Variants in NRXN3 observed in about 807,000 individuals in gnomAD.
NRXN3 encodes the protein neurexin III.
In NRXN3, 32 loss-of-function variants were observed where a neutral mutation model predicts 137.6. That is an observed-to-expected ratio of 0.23 (90% confidence interval 0.18 to 0.31). The LOEUF is 0.31. Among genes scored for constraint, NRXN3 ranks in the 10% least tolerant of loss-of-function variants. NRXN3 has a pLI of 1.00. For synonymous variants in NRXN3, 798 were observed against 784.5 expected (o/e 1.02, Z -0.29); for missense variants, 1,574 against 2,062.5 (o/e 0.76, Z 4.59).
chr14:79,405,062 A>G (rs1229125322), intron 15 of NRXN3, among the ~76,000 whole-genome samples: 1 of 152,150 alleles, frequency 6.6e-6, no homozygotes, highest in Non-Finnish European at 1.5e-5. Context: ...GAAGGGGAGT[A>G]CGGCAGGAGG....
intron 4 of NRXN3, among the ~76,000 whole-genome samples, chr14:78,538,343 G>A (rs1185134413): frequency 1.3e-5 from 2 of 152,118 alleles, no homozygotes; most frequent in African/African-American, 4.8e-5. Context: ...CTTGTAAGTT[G>A]GATTCCTAGG....
chr14:79,217,207 A>G (rs1238512993), intron 15 of NRXN3, among the ~76,000 whole-genome samples: 1 of 152,212 alleles, frequency 6.6e-6, no homozygotes, highest in East Asian at 1.9e-4. Context: ...CTGTATAGGA[A>G]GCATAGTGTT....
intron 4 of NRXN3, among the ~76,000 whole-genome samples, chr14:78,496,458 C>T (rs1025392588): frequency 9.2e-5 from 14 of 152,018 alleles, no homozygotes; most frequent in African/African-American, 2.9e-4. Context: ...TTTTCTTTCT[C>T]ATTGGAAATG....
chr14:78,986,985 T>G (rs1350400427), intron 14 of NRXN3, among the ~76,000 whole-genome samples: 2 of 127,348 alleles, frequency 1.6e-5, no homozygotes, highest in African/African-American at 6.1e-5. Context: ...ATCGTGCCAC[T>G]GCACTCCAGT....
chr14:79,838,491 C>T (rs755755118), intron 20 of NRXN3, among the ~76,000 whole-genome samples: 6 of 152,058 alleles, frequency 3.9e-5, no homozygotes, highest in Admixed American at 6.5e-5. Flanking sequence ...ATATGGTACT[C>T]ACAAGTAGTG....
At chr14:78,532,613 CTCTT>C (rs1415477249) in intron 4 of NRXN3, among the ~76,000 whole-genome samples, 1 of 152,094 alleles carries the variant, frequency 6.6e-6, no homozygotes, top group African/African-American at 2.4e-5. Flanking sequence ...CTCTCCCTCT[CTCTT>C]CTCTACTTGT....
intron 15 of NRXN3, among the ~76,000 whole-genome samples, chr14:79,035,223 G>C (rs1016759124): frequency 2.6e-5 from 4 of 152,064 alleles, no homozygotes; most frequent in Admixed American, 2.6e-4. Context: ...AAATTTGACA[G>C]AAAATAGGTA....
At chr14:79,716,225 C>A (rs1217699117) in intron 19 of NRXN3, among the ~76,000 whole-genome samples, 1 of 152,174 alleles carries the variant, frequency 6.6e-6, no homozygotes, top group Non-Finnish European at 1.5e-5. Flanking sequence ...AGACATGAAT[C>A]ATTTAAGGCA....
At chr14:78,472,590 G>A (rs1211083278) in intron 4 of NRXN3, among the ~76,000 whole-genome samples, 4 of 152,198 alleles carry the variant, frequency 2.6e-5, no homozygotes, top group Non-Finnish European at 4.4e-5. Flanking sequence ...CATGGGAGTT[G>A]TCTGGCTCAC....
intron 19 of NRXN3, among the ~76,000 whole-genome samples, chr14:79,753,688 T>A (rs537442349): frequency 6.6e-6 from 1 of 151,762 alleles, no homozygotes; most frequent in Middle Eastern, 3.4e-3. Context: ...ACCTGCACAT[T>A]GTGCATATGT....
At chr14:78,234,721 A>C (rs548217373) in intron 1 of NRXN3, among the ~76,000 whole-genome samples, 1 of 152,066 alleles carries the variant, frequency 6.6e-6, no homozygotes, top group Non-Finnish European at 1.5e-5. Flanking sequence ...CTTTCTACTA[A>C]CATATAAGTG....
chr14:78,596,714 A>G (rs888071086), intron 4 of NRXN3, among the ~76,000 whole-genome samples: 1 of 152,182 alleles, frequency 6.6e-6, no homozygotes, highest in African/African-American at 2.4e-5. Flanking sequence ...GGGAATGATT[A>G]AAGTGAGGTG....
At position 78,655,651 on chromosome 14, in the gene NRXN3, T is replaced by TA. The variant is rs201129912; in HGVS notation, c.1221+4333dup. On this transcript the variant is annotated intron_variant, in intron 6 of 20. Transcript: ENST00000335750. ...CAGCACCTAGAGTGGACCCTGACAT[T>TA]AAAAAAAATGCACTCAATAAGTATG... Among the ~76,000 whole-genome samples the TA allele has an allele frequency of 4.8e-3, 722 of 151,786 alleles. 8 individuals carry two copies. Among genetic ancestry groups the TA allele is most frequent in the African/African-American group, 0.016 (655 of 41,394 alleles).
In NRXN3 at chr14:78,706,373, C is replaced by T. The variant is rs572604894; in HGVS notation, c.1222-2844C>T. Among the ~76,000 whole-genome samples the T allele has an allele frequency of 3.9e-5, 6 of 152,320 alleles. No homozygotes were observed. The South Asian group carries it at 1.2e-3, about 32-fold the overall frequency. On this transcript the variant is annotated intron_variant, in intron 6 of 20. Transcript: ENST00000335750. ...GAGGATCCTGCAATATTTCCCTTTG[C>T]ACATGGTCAGCCCAGTTTAGCTAAA...
At chr14:78,173,924 A>G (rs147413776) in intron 1 of NRXN3, among the ~76,000 whole-genome samples, 3 of 151,172 alleles carry the variant, frequency 2.0e-5, no homozygotes, top group Non-Finnish European at 4.4e-5. Flanking sequence ...TACCTCCACC[A>G]TGGCTCCTTC....
chr14:78,274,528 G>A (rs1215817152), intron 2 of NRXN3, among the ~76,000 whole-genome samples: 3 of 152,218 alleles, frequency 2.0e-5, no homozygotes, highest in Non-Finnish European at 4.4e-5. Context: ...TACAATTCAA[G>A]ATGAGATTTG....
At chr14:79,648,679 G>C (rs146999770) in intron 16 of NRXN3, among the ~76,000 whole-genome samples, 1 of 85,982 alleles carries the variant, frequency 1.2e-5, no homozygotes, top group Non-Finnish European at 3.6e-5. Flanking sequence ...CCTCTCTGTG[G>C]TAGAGGCATG....
At chr14:79,576,232 A>G (rs1346487183) in intron 16 of NRXN3, among the ~76,000 whole-genome samples, 1 of 152,180 alleles carries the variant, frequency 6.6e-6, no homozygotes, top group Non-Finnish European at 1.5e-5. Flanking sequence ...GATCTCTGCC[A>G]GTGGTGTGTA....
At chr14:78,769,428 CAT>C (rs1344987083) in intron 8 of NRXN3, among the ~76,000 whole-genome samples, 4 of 152,200 alleles carry the variant, frequency 2.6e-5, no homozygotes, top group Non-Finnish European at 4.4e-5. Context: ...AGGACTTACA[CAT>C]GTCTTTTTGA....
Sources: gnomAD v4.1 joint callset for allele counts (sites outside exome capture counted in the v4.1 genomes callset) on GRCh38, gnomAD v4.1.1 for gene constraint, MANE v1.5 for transcripts, NCBI Gene and HGNC (gene_info 2026-07-23, HGNC 2026-07-21) for gene names.